The following DNM1L variants were observed in gnomAD, a reference collection of about 807,000 sequenced individuals.
The protein encoded by DNM1L is dynamin 1L.
DNM1L carries 33 observed loss-of-function variants against 92.8 expected under a neutral mutation model. That is an observed-to-expected ratio of 0.36 (90% CI 0.27 to 0.48). The LOEUF (loss-of-function observed/expected upper bound fraction) is 0.48. Ranked by LOEUF, DNM1L falls within the 20% of genes least tolerant of loss-of-function variation. The probability of loss-of-function intolerance (pLI) is 0.99; values close to 1 mark genes in which losing one functional copy is unlikely to be tolerated. For synonymous variants in DNM1L, 284 were observed against 305.0 expected (o/e 0.93, Z 0.72); for missense variants, 485 against 888.8 (o/e 0.55, Z 5.78).
At chr12:32,707,199 A>T (rs936391499) in intron 2 of DNM1L, 168 bp from the exon 3 acceptor site, 31 of 518,384 alleles carry the variant, frequency 6.0e-5, no homozygotes, top group African/African-American at 2.0e-5. Flanking sequence ...CAGAAAATAC[A>T]ATTTTAGAAA....
intron 4 of DNM1L, 42 bp from the exon 5 acceptor site, chr12:32,710,887 T>C (rs1225971744): frequency 3.6e-6 from 5 of 1,405,692 alleles, no homozygotes; most frequent in East Asian, 5.0e-5. Context: ...TATTACTTCA[T>C]AGTTCATTGA....
In DNM1L at chr12:32,731,593, A is replaced by G. The variant is rs1367733519; in HGVS notation, c.1356+82A>G. On this transcript the variant is annotated intron_variant, in intron 11 of 19. Coordinates refer to ENST00000549701, the MANE Select transcript of DNM1L (RefSeq NM_012062.5). The surrounding 1 kb of genome is among the most constrained non-coding windows in gnomAD (Gnocchi z 5.1). ...GGTTTCACTGGGTGGAAGGAAATGT[A>G]TAAGATGGGATACAAGGTAAAATCT... is the stretch of plus-strand genomic sequence containing the variant. 19 of 1,541,040 alleles carry G rather than the reference A, an allele frequency of 1.2e-5. No homozygotes were observed. The Admixed American group carries it at 1.7e-4, about 14-fold the overall frequency.
At chr12:32,736,905 G>C (rs1954920295) in intron 13 of DNM1L, 200 bp from the exon 14 acceptor site, 1 of 569,532 alleles carries the variant, frequency 1.8e-6, no homozygotes, top group South Asian at 2.1e-5. Context: ...AGGTGTGTGG[G>C]CAGAAAAAAA....
intron 2 of DNM1L, among the ~76,000 whole-genome samples, chr12:32,703,894 G>A (rs761174480): frequency 3.3e-5 from 5 of 152,164 alleles, no homozygotes; most frequent in African/African-American, 9.7e-5. Context: ...TAACTGAGGT[G>A]TCAGTATGTA....
At chr12:32,698,934 C>T (rs1269202007) in intron 1 of DNM1L, among the ~76,000 whole-genome samples, 6 of 151,800 alleles carry the variant, frequency 4.0e-5, no homozygotes, top group African/African-American at 1.5e-4. Flanking sequence ...GCCTGAGGGT[C>T]TCTTGAGGCC....
intron 9 of DNM1L, chr12:32,726,627 C>T: frequency 1.1e-6 from 1 of 923,982 alleles, no homozygotes; most frequent in Non-Finnish European, 1.7e-6. Context: ...CAGATCTCCA[C>T]TCTCAGGAAC....
intron 13 of DNM1L, 22 bp from the exon 14 acceptor site, chr12:32,737,083 T>C (rs1459982923): frequency 1.9e-6 from 3 of 1,613,282 alleles, no homozygotes; most frequent in Non-Finnish European, 2.5e-6. Context: ...ATAATCACTT[T>C]TGTTTTGCTT....
At chr12:32,698,536 A>G (rs377146561) in intron 1 of DNM1L, among the ~76,000 whole-genome samples, 36 of 152,320 alleles carry the variant, frequency 2.4e-4, no homozygotes, top group Middle Eastern at 6.8e-3. Flanking sequence ...TTATGTAAAT[A>G]AACCCTCTTT....
At chr12:32,711,132 G>A (rs895752439) in intron 5 of DNM1L, 117 bp downstream of exon 5, 16 of 877,314 alleles carry the variant, frequency 1.8e-5, no homozygotes, top group African/African-American at 1.5e-4. Context: ...ATTTGATAAC[G>A]TTGAGCCCTC....
At chr12:32,703,055 CTCT>C (rs1952776282) in intron 2 of DNM1L, among the ~76,000 whole-genome samples, 1 of 144,226 alleles carries the variant, frequency 6.9e-6, no homozygotes, top group African/African-American at 2.6e-5. Flanking sequence ...TTCTCTCTCT[CTCT>C]TTTTTTTTTT....
intron 3 of DNM1L, 71 bp downstream of exon 3, chr12:32,707,484 G>C: frequency 9.0e-7 from 1 of 1,108,856 alleles, no homozygotes; most frequent in South Asian, 1.8e-5. Context: ...TGATAATTTA[G>C]TTTCTAATCA....
At chr12:32,717,043 T>C (rs1953413874) in intron 6 of DNM1L, among the ~76,000 whole-genome samples, 2 of 139,976 alleles carry the variant, frequency 1.4e-5, no homozygotes, top group Admixed American at 7.9e-5. Context: ...TTACCTATGG[T>C]ATTTTTCAGT....
intron 18 of DNM1L, among the ~76,000 whole-genome samples, chr12:32,741,528 A>C (rs12372116): frequency 0.018 from 2,709 of 152,154 alleles, 29 homozygotes; most frequent in Middle Eastern, 0.027. Flanking sequence ...CAGGTGATCT[A>C]CCTGTCTTGG....
chr12:32,734,170 C>A (rs1673942477), intron 13 of DNM1L, among the ~76,000 whole-genome samples: 2 of 152,100 alleles, frequency 1.3e-5, no homozygotes, highest in Admixed American at 1.3e-4. Context: ...AAGAATTAAC[C>A]AACTTAGCAT....
Position 32,731,434 on chromosome 12 carries a change from C to T in DNM1L, c.1279C>T (p.Pro427Ser). The part of the protein sequence containing the change: ...VKRQIKRLEE[P>S]SLRCVELVHE... ...GCGGCAAATCAAACGTCTAGAAGAG[C>T]CCAGCCTCCGCTGTGTGGAACTGGT... Residue 427 changes from proline to serine, a missense_variant, in exon 11 of 20, where the codon CCC (proline) becomes TCC (serine). Pro to Ser is a moderately conservative substitution (Grantham distance 74). This residue lies in a region of DNM1L where 12 missense variants were observed against 21.5 expected (regional missense o/e 0.56). Coordinates refer to ENST00000549701, the MANE Select transcript of DNM1L (RefSeq NM_012062.5). This position sits in a 1 kb window ranked among gnomAD's most constrained non-coding sequence, Gnocchi z 5.1. 6.2e-7 allele frequency: 1 copy of T among 1,614,126 alleles called. No homozygotes were observed. The highest frequency in any genetic ancestry group is 1.1e-5 in the South Asian group (1 of 91,076).
In DNM1L at chr12:32,708,181, A is replaced by G; in HGVS notation, c.326A>G (p.Gln109Arg). Residue 109 changes from glutamine (Q) to arginine (R), a missense_variant, in exon 4 of 20, where the codon CAA becomes CGA. By Grantham distance (43) the Gln-to-Arg change is conservative. This residue lies in a region of DNM1L where 159 missense variants were observed against 275.9 expected (regional missense o/e 0.58). Transcript: ENST00000549701. ...KLYTDFDEIRQEIENETERIS... is the reference protein window; with the variant it reads ...KLYTDFDEIRREIENETERIS... ...TACACGGATTTTGATGAAATTCGAC[A>G]AGAAATTGAAAATGAAACAGAAAGA... The G allele has an allele frequency of 3.1e-6, 5 of 1,605,726 alleles. No homozygotes were observed. The highest frequency in any genetic ancestry group is 4.3e-6 in the Non-Finnish European group (5 of 1,173,180).
intron 18 of DNM1L, among the ~76,000 whole-genome samples, chr12:32,741,741 A>G: frequency 6.6e-6 from 1 of 152,220 alleles, no homozygotes; most frequent in East Asian, 1.9e-4. Flanking sequence ...AGATACACAA[A>G]TACTATTGTG....
intron 13 of DNM1L, among the ~76,000 whole-genome samples, chr12:32,735,826 A>G (rs1954831118): frequency 1.3e-5 from 2 of 151,940 alleles, no homozygotes; most frequent in South Asian, 4.2e-4. Flanking sequence ...GCAGTGAGCC[A>G]AGATCACACC....
At chr12:32,722,313 C>G in intron 8 of DNM1L, 114 bp from the exon 9 acceptor site, 1 of 860,074 alleles carries the variant, frequency 1.2e-6, no homozygotes, top group Non-Finnish European at 1.9e-6. Flanking sequence ...CACAGTATCA[C>G]ATTTGCCAGG....
Sources: allele counts gnomAD v4.1 joint callset (sites outside exome capture counted in the v4.1 genomes callset), GRCh38; gene constraint gnomAD v4.1.1; regional missense constraint gnomAD v4.1.1; non-coding constraint Gnocchi (gnomAD v3.1); transcripts MANE v1.5; gene names NCBI Gene and HGNC (gene_info 2026-07-23, HGNC 2026-07-21).